JMY: variants seen among roughly 807,000 people sequenced by gnomAD.
The protein encoded by JMY is junction mediating and regulatory protein, p53 cofactor, also known as junction-mediating and -regulatory protein.
Under a neutral mutation model 103.3 loss-of-function variants are expected in JMY, and 46 were observed. That is an observed-to-expected ratio of 0.45 (90% CI 0.35 to 0.57). The LOEUF (loss-of-function observed/expected upper bound fraction) is 0.57, where lower values mean the gene tolerates loss of function less well. Among genes scored for constraint, JMY ranks in the 20% least tolerant of loss-of-function variants. The pLI is 0.00. For missense variants in JMY, 1,238 were observed against 1,255.2 expected (o/e 0.99, Z 0.21); for synonymous variants, 526 against 489.3 (o/e 1.07, Z -0.99).
rs943407142 is a variant in JMY at position 79,286,648 on chromosome 5, A to G, written c.1207-3473A>G. 6.6e-5 allele frequency among the ~76,000 whole-genome samples: 10 copies of G among 152,170 alleles called. No individual in the cohort carries two copies. The East Asian group carries it at 1.9e-3, about 29-fold the overall frequency. ...ACAGAGCAAGACTCCATAAAAAAAA[A>G]AAAAAATCCATAATGCAAGTTTTAC... On this transcript the variant is annotated intron_variant, in intron 2 of 10. Transcript: ENST00000396137.
At chr5:79,239,153 A>G (rs1356359290) in intron 1 of JMY, among the ~76,000 whole-genome samples, 1 of 152,006 alleles carries the variant, frequency 6.6e-6, no homozygotes, top group Non-Finnish European at 1.5e-5. Flanking sequence ...ATACCATAGT[A>G]CTCTCTTACA....
chr5:79,299,736 T>C (rs942362136), intron 4 of JMY, among the ~76,000 whole-genome samples: 1 of 152,182 alleles, frequency 6.6e-6, no homozygotes, highest in Non-Finnish European at 1.5e-5. Context: ...ACCCCAGATA[T>C]GTGGCATTAA....
chr5:79,250,869 TG>T (rs1018702787), intron 1 of JMY, among the ~76,000 whole-genome samples: 8 of 152,212 alleles, frequency 5.3e-5, no homozygotes, highest in Admixed American at 3.9e-4. Flanking sequence ...TACTGTGGTT[TG>T]GGGTAGCTTT....
At chr5:79,270,655 T>TATTTACATAA (rs1319060765) in intron 1 of JMY, among the ~76,000 whole-genome samples, 2 of 146,350 alleles carry the variant, frequency 1.4e-5, no homozygotes, top group African/African-American at 4.9e-5. Flanking sequence ...ATATAAAATA[T>TATTTACATAA]ATATTTACAT....
chr5:79,247,372 G>A (rs1054043667), intron 1 of JMY, among the ~76,000 whole-genome samples: 26 of 151,898 alleles, frequency 1.7e-4, no homozygotes, highest in African/African-American at 4.8e-4. Context: ...GCGTGATCTC[G>A]GTTCACTGCA....
At chr5:79,282,277 T>C (rs1746141615) in intron 2 of JMY, among the ~76,000 whole-genome samples, 1 of 152,152 alleles carries the variant, frequency 6.6e-6, no homozygotes, top group South Asian at 2.1e-4. Context: ...AGCTAAATAA[T>C]TGTTGCCTTG....
intron 2 of JMY, chr5:79,284,561 A>G (rs1746214264): frequency 7.2e-6 from 11 of 1,537,630 alleles, no homozygotes; most frequent in Admixed American, 5.0e-5. Context: ...GTGAGCTTCA[A>G]TCATTGTCTG....
chr5:79,305,758 C>T (rs1291358353), intron 6 of JMY, among the ~76,000 whole-genome samples: 2 of 151,978 alleles, frequency 1.3e-5, no homozygotes, highest in Admixed American at 6.6e-5. Context: ...CTTATGTCTG[C>T]GACCAAAAGA....
intron 1 of JMY, among the ~76,000 whole-genome samples, chr5:79,268,089 A>T (rs1383099046): frequency 6.6e-6 from 1 of 152,144 alleles, no homozygotes; most frequent in African/African-American, 2.4e-5. Context: ...CAAAAAATTT[A>T]AAAAATTAGT....
intron 2 of JMY, among the ~76,000 whole-genome samples, chr5:79,281,360 T>A (rs984449588): frequency 1.1e-4 from 17 of 149,748 alleles, no homozygotes; most frequent in Non-Finnish European, 2.4e-4. Flanking sequence ...TTAATTTTTT[T>A]TTTTTTTTTT....
chr5:79,326,003 TTTAA>T lies in JMY; in HGVS notation c.*4404_*4407del, dbSNP rs1314972032. On this transcript the variant is annotated 3_prime_UTR_variant, in exon 11 of 11. Transcript: ENST00000396137. The stretch of plus-strand genomic sequence containing the variant: ...AATGTACAACTTCGCAATTGTAGGA[TTTAA>T]TTGATTGAATTCCAAATTTATACTG... 1 of 152,150 alleles carries T rather than the reference TTTAA, an allele frequency of 6.6e-6. No individual in the cohort carries two copies. Among genetic ancestry groups the T allele is most frequent in the Non-Finnish European group, 1.5e-5 (1 of 68,010 alleles). The allele number at this position is 152,150 out of a possible 1,614,324, so 9.4% of individuals were successfully genotyped here.
intron 1 of JMY, among the ~76,000 whole-genome samples, chr5:79,269,220 A>G (rs1445860261): frequency 6.6e-6 from 1 of 152,084 alleles, no homozygotes; most frequent in African/African-American, 2.4e-5. Flanking sequence ...CTTCTATTGA[A>G]TTGTCTTTGC....
At chr5:79,239,344 A>G (rs1478260387) in intron 1 of JMY, among the ~76,000 whole-genome samples, 4 of 152,212 alleles carry the variant, frequency 2.6e-5, no homozygotes, top group Admixed American at 1.3e-4. Context: ...GACCACATAT[A>G]TTCTCAGAAG....
rs34278536 is a variant in JMY at position 79,278,585 on chromosome 5, CAAAAAAAAA to C, written c.1206+522_1206+530del. Among the ~76,000 whole-genome samples the C allele has an allele frequency of 3.0e-4, 17 of 57,302 alleles. No homozygotes were observed. In the East Asian group the frequency reaches 4.6e-3, roughly 16 times the overall value. 37.6% of individuals were successfully genotyped at this position (57,302 alleles called of 152,430 possible). On this transcript the variant is annotated intron_variant, in intron 2 of 10. Transcript: ENST00000396137. ...GGGCAACACGGAGAACCCGTCTCTA[CAAAAAAAAA>C]AAAAAAAAAAAAAAAAAAATCAAAC...
Position 79,265,145 on chromosome 5 carries a change from T to C in JMY, c.1033-12765T>C, listed in dbSNP as rs202139967. On this transcript the variant is annotated intron_variant, in intron 1 of 10. Coordinates refer to ENST00000396137, the MANE Select transcript of JMY (RefSeq NM_152405.5). The stretch of plus-strand genomic sequence containing the variant: ...TTCACCTTGTTAGCCAGGATGGTCT[T>C]GATCTCCTGACCTCGTGATCCGCCC... Among the ~76,000 whole-genome samples the C allele has an allele frequency of 4.6e-5, 7 of 152,264 alleles. No individual in the cohort carries two copies. In the East Asian group the frequency reaches 5.8e-4, roughly 13 times the overall value.
At chr5:79,253,050 C>T (rs13165414) in intron 1 of JMY, among the ~76,000 whole-genome samples, 71,149 of 151,738 alleles carry the variant, frequency 0.47, 17,278 homozygotes, top group African/African-American at 0.61. Context: ...ATTTCTTGAT[C>T]TTTTTCTTTT....
At chr5:79,289,541 A>C (rs1746363682) in intron 2 of JMY, among the ~76,000 whole-genome samples, 1 of 152,198 alleles carries the variant, frequency 6.6e-6, no homozygotes, top group Admixed American at 6.5e-5. Context: ...GTTTTGAAAT[A>C]TACTTTTAAT....
At chr5:79,292,817 A>G (rs1406037877) in intron 4 of JMY, among the ~76,000 whole-genome samples, 1 of 151,888 alleles carries the variant, frequency 6.6e-6, no homozygotes, top group African/African-American at 2.4e-5. Flanking sequence ...GGGGGGTCCT[A>G]TTCCCTGGGG....
intron 1 of JMY, among the ~76,000 whole-genome samples, chr5:79,274,499 C>G (rs1373904331): frequency 6.6e-6 from 1 of 152,062 alleles, no homozygotes; most frequent in African/African-American, 2.4e-5. Context: ...CCTCTGCCTC[C>G]TGGGTTCAAG....
Sources: gnomAD v4.1 joint callset for allele counts (sites outside exome capture counted in the v4.1 genomes callset) on GRCh38, gnomAD v4.1.1 for gene constraint, MANE v1.5 for transcripts, NCBI Gene and HGNC (gene_info 2026-07-23, HGNC 2026-07-21) for gene names.